Variants in SRGAP3 observed in about 807,000 individuals in gnomAD.
SRGAP3 encodes the protein SLIT-ROBO Rho GTPase activating protein 3, also known as SLIT-ROBO Rho GTPase-activating protein 3.
SRGAP3 carries 39 observed loss-of-function variants against 121.1 expected under a neutral mutation model. The ratio of observed to expected loss-of-function variants is 0.32; its 90% CI spans 0.25 to 0.42. The LOEUF (loss-of-function observed/expected upper bound fraction) is 0.42, where lower values mean the gene tolerates loss of function less well. Ranked by LOEUF, SRGAP3 falls within the 10% of genes least tolerant of loss-of-function variation. The pLI is 1.00. For synonymous variants in SRGAP3, 601 were observed against 570.0 expected (o/e 1.05, Z -0.77); for missense variants, 1,213 against 1,470.6 (o/e 0.82, Z 2.86).
intron 17 of SRGAP3, 110 bp from the exon 18 acceptor site, chr3:9,010,497 A>C (rs1943308544): frequency 7.2e-6 from 8 of 1,114,150 alleles, no homozygotes; most frequent in East Asian, 4.8e-5. Context: ...CGCAGCTCAG[A>C]TGCAGGCCTA....
chr3:9,240,367 A>G (rs558377720), intron 1 of SRGAP3, among the ~76,000 whole-genome samples: 1 of 152,246 alleles, frequency 6.6e-6, no homozygotes, highest in Non-Finnish European at 1.5e-5. Flanking sequence ...CAAGCTCAGC[A>G]CCTTTAAAAA....
intron 1 of SRGAP3, chr3:9,348,605 C>T (rs1353909172): frequency 2.1e-6 from 2 of 951,542 alleles, no homozygotes; most frequent in Non-Finnish European, 3.4e-6. Context: ...TTGACATCTG[C>T]TTCACCTCAG....
chr3:9,049,516 T>C (rs747878726), intron 9 of SRGAP3: 5 of 455,918 alleles, frequency 1.1e-5, no homozygotes, highest in South Asian at 6.2e-5. Context: ...ACTCACTGGG[T>C]ACCTCGGGCA....
intron 1 of SRGAP3, among the ~76,000 whole-genome samples, chr3:9,207,797 C>T (rs1560419403): frequency 6.6e-6 from 1 of 152,216 alleles, no homozygotes; most frequent in Non-Finnish European, 1.5e-5. Context: ...GGGCAGGCGG[C>T]TGAGAGCTAT....
intron 4 of SRGAP3, among the ~76,000 whole-genome samples, chr3:9,079,616 C>G (rs995466945): frequency 1.3e-5 from 2 of 152,196 alleles, no homozygotes; most frequent in South Asian, 2.1e-4. Flanking sequence ...ACAAACTGCC[C>G]ACCTGCCTAT....
Position 9,058,241 on chromosome 3 carries a change from G to A in SRGAP3, c.1023+10C>T, listed in dbSNP as rs778055431. On this transcript the variant is annotated intron_variant, in intron 7 of 21. Transcript: ENST00000383836. ...GCAGCCCCAAGCCCGGGCTCCAGGA[G>A]GAAGCCTACCTCATCCCCCATGTGG... 1 of 1,613,938 alleles carries A rather than the reference G, an allele frequency of 6.2e-7. No homozygotes were observed. The highest frequency in any genetic ancestry group is 2.2e-5 in the East Asian group (1 of 44,880).
chr3:9,276,194 T>G (rs981026009), intron 3 of SRGAP3, among the ~76,000 whole-genome samples: 1 of 152,206 alleles, frequency 6.6e-6, no homozygotes, highest in Admixed American at 6.5e-5. Context: ...CCCCTTCTTC[T>G]GCAGAGCCCA....
At chr3:9,317,771 T>C (rs535984571) in intron 3 of SRGAP3, among the ~76,000 whole-genome samples, 4 of 152,364 alleles carry the variant, frequency 2.6e-5, no homozygotes, top group Non-Finnish European at 5.9e-5. Flanking sequence ...AAGTGCCCTC[T>C]GATGCTGATG....
chr3:9,017,449 C>T (rs1432819756), intron 14 of SRGAP3, among the ~76,000 whole-genome samples: 2 of 152,190 alleles, frequency 1.3e-5, no homozygotes, highest in South Asian at 2.1e-4. Context: ...ACCTGCTACA[C>T]ACAACTTGAG....
Position 9,006,321 on chromosome 3 carries a change from AC to A in SRGAP3, c.2227+3986del. ...AGGCTGAGGCAGGAGAATCGCTTGAACCAGGGAGTCGGAGGCTGCAGTGAGC... is the reference window on the plus strand; with the variant it reads ...AGGCTGAGGCAGGAGAATCGCTTGAACAGGGAGTCGGAGGCTGCAGTGAGC... On this transcript the variant is annotated intron_variant, in intron 18 of 21. Transcript: ENST00000383836. 1.3e-5 allele frequency among the ~76,000 whole-genome samples: 2 copies of A among 150,994 alleles called. 1 individual carries two copies. The highest frequency in any genetic ancestry group is 2.9e-5 in the Non-Finnish European group (2 of 67,848).
intron 1 of SRGAP3, among the ~76,000 whole-genome samples, chr3:9,357,427 G>C (rs1367003252): frequency 2.6e-5 from 4 of 151,814 alleles, no homozygotes; most frequent in African/African-American, 9.7e-5. Context: ...TATTTCAAAA[G>C]TCCATCCATA....
chr3:9,017,447 C>A (rs998030117), intron 14 of SRGAP3, among the ~76,000 whole-genome samples: 7 of 152,164 alleles, frequency 4.6e-5, no homozygotes, highest in African/African-American at 1.7e-4. Context: ...AAACCTGCTA[C>A]ACACAACTTG....
intron 4 of SRGAP3, among the ~76,000 whole-genome samples, chr3:9,073,655 G>A (rs1026604020): frequency 6.6e-6 from 1 of 152,208 alleles, no homozygotes; most frequent in Non-Finnish European, 1.5e-5. Context: ...GTTACGATGA[G>A]GATGAAATGG....
intron 3 of SRGAP3, among the ~76,000 whole-genome samples, chr3:9,300,869 T>A: frequency 6.6e-6 from 1 of 152,116 alleles, no homozygotes; most frequent in South Asian, 2.1e-4. Context: ...CAACCCTAAA[T>A]GTCTGGGCTA....
intron 3 of SRGAP3, among the ~76,000 whole-genome samples, chr3:9,262,145 C>T (rs909827602): frequency 2.0e-5 from 3 of 152,096 alleles, no homozygotes; most frequent in Non-Finnish European, 4.4e-5. Flanking sequence ...AAATCCTTTA[C>T]AGACAAGCAA....
At chr3:9,099,136 C>T (rs1948105372) in intron 3 of SRGAP3, among the ~76,000 whole-genome samples, 1 of 152,194 alleles carries the variant, frequency 6.6e-6, no homozygotes, top group Non-Finnish European at 1.5e-5. Flanking sequence ...TTATTGAACA[C>T]AAAAAGCCCT....
chr3:9,104,753 T>C lies in SRGAP3; in HGVS notation c.350A>G (p.Asn117Ser), dbSNP rs1201126638. 1.3e-5 allele frequency: 21 copies of C among 1,614,142 alleles called. No homozygotes were observed. The highest frequency in any genetic ancestry group is 1.7e-5 in the Non-Finnish European group (20 of 1,180,050). The part of the protein sequence containing the change: ...RRESRDHATL[N>S]DIFMNNVIVR... Reference sequence around the variant, plus strand: ...GATGACATTGTTCATGAAGATGTCATTGAGGGTGGCATGGTCTCGGCTCTC... The same window carrying C: ...GATGACATTGTTCATGAAGATGTCACTGAGGGTGGCATGGTCTCGGCTCTC... Residue 117 changes from asparagine (N) to serine (S), a missense_variant, in exon 3 of 22, where the codon AAT (asparagine) becomes AGT (serine). By Grantham distance (46) the Asn-to-Ser change is conservative. Transcript: ENST00000383836.
intron 3 of SRGAP3, among the ~76,000 whole-genome samples, chr3:9,090,491 A>T (rs1012006352): frequency 1.3e-5 from 2 of 152,172 alleles, no homozygotes; most frequent in East Asian, 1.9e-4. Context: ...TCTGAATTAA[A>T]TCATTTCCTT....
At chr3:9,163,634 A>G (rs1298825091) in intron 1 of SRGAP3, among the ~76,000 whole-genome samples, 1 of 152,190 alleles carries the variant, frequency 6.6e-6, no homozygotes, top group Non-Finnish European at 1.5e-5. Flanking sequence ...GCAGACCCCA[A>G]AGGGCTTCCA....
Sources: allele counts gnomAD v4.1 joint callset (sites outside exome capture counted in the v4.1 genomes callset), GRCh38; gene constraint gnomAD v4.1.1; transcripts MANE v1.5; gene names NCBI Gene and HGNC (gene_info 2026-07-23, HGNC 2026-07-21).